Variants in THSD4 observed in about 807,000 individuals in gnomAD.
THSD4 encodes the protein thrombospondin type 1 domain containing 4, also known as thrombospondin type-1 domain-containing protein 4.
In THSD4, 69 loss-of-function variants were observed where a neutral mutation model predicts 119.0. The observed-to-expected ratio is 0.58, with a 90% CI of 0.48 to 0.71. The LOEUF (loss-of-function observed/expected upper bound fraction) is 0.71. THSD4 is among the 30% of genes least tolerant of loss of function. THSD4 has a pLI of 0.00. For missense variants in THSD4, 1,393 were observed against 1,391.1 expected (o/e 1.00, Z -0.02); for synonymous variants, 524 against 540.4 (o/e 0.97, Z 0.42).
chr15:71,311,636 C>T (rs1452450866), intron 6 of THSD4, among the ~76,000 whole-genome samples: 1 of 152,170 alleles, frequency 6.6e-6, no homozygotes, highest in Non-Finnish European at 1.5e-5. Context: ...TTACAGATGA[C>T]AAACCTAGCA....
chr15:71,732,315 A>G (rs2052996158), intron 10 of THSD4: 1 of 152,196 alleles, frequency 6.6e-6, no homozygotes, highest in East Asian at 1.9e-4. Flanking sequence ...CTATAAGACA[A>G]GAATAATGAG....
intron 7 of THSD4, among the ~76,000 whole-genome samples, chr15:71,523,994 G>A (rs1223136577): frequency 6.6e-6 from 1 of 152,174 alleles, no homozygotes; most frequent in South Asian, 2.1e-4. Context: ...TATATCATAA[G>A]TGTCTAAAGA....
intron 6 of THSD4, among the ~76,000 whole-genome samples, chr15:71,372,323 G>A (rs2046064338): frequency 6.6e-6 from 1 of 152,218 alleles, no homozygotes; most frequent in Admixed American, 6.5e-5. Flanking sequence ...TGCTGGCGAG[G>A]AGCTGCTTTC....
chr15:71,378,168 TTAGTG>T (rs571081581), intron 6 of THSD4, among the ~76,000 whole-genome samples: 1 of 152,208 alleles, frequency 6.6e-6, no homozygotes, highest in South Asian at 2.1e-4. Flanking sequence ...ATTCTAAAGA[TTAGTG>T]ATGTGTATAT....
intron 1 of THSD4, among the ~76,000 whole-genome samples, chr15:71,118,949 T>C (rs2040386543): frequency 6.6e-6 from 1 of 152,216 alleles, no homozygotes; most frequent in Non-Finnish European, 1.5e-5. Context: ...CATCTAGGCC[T>C]GTTTTGCTCT....
intron 14 of THSD4, among the ~76,000 whole-genome samples, chr15:71,751,977 T>C (rs981711367): frequency 2.6e-5 from 4 of 152,252 alleles, no homozygotes; most frequent in African/African-American, 9.6e-5. Context: ...TTATGAATGC[T>C]TTTTGAACTC....
At chr15:71,124,026 A>G (rs2040432165) in intron 1 of THSD4, among the ~76,000 whole-genome samples, 1 of 152,184 alleles carries the variant, frequency 6.6e-6, no homozygotes, top group Non-Finnish European at 1.5e-5. Flanking sequence ...CTCAGTTGCC[A>G]AGCTGGTGGT....
chr15:71,765,200 G>T lies in THSD4; in HGVS notation c.2769+1G>T. 6.2e-7 allele frequency: 1 copy of T among 1,613,552 alleles called. No homozygotes were observed. The highest frequency in any genetic ancestry group is 1.1e-5 in the South Asian group (1 of 91,002). ...ATGGTTTAGCACCGAATGGAGCATG[G>T]TAAGTCATGGTGCTCTTGATGGAGG... is the stretch of plus-strand genomic sequence containing the variant. On this transcript the variant is annotated splice_donor_variant, in intron 16 of 17. Coordinates refer to ENST00000261862, the MANE Select transcript of THSD4 (RefSeq NM_024817.3). LOFTEE classifies it high-confidence loss of function.
At chr15:71,718,874 C>T (rs2052661874) in intron 8 of THSD4, among the ~76,000 whole-genome samples, 1 of 152,214 alleles carries the variant, frequency 6.6e-6, no homozygotes, top group Admixed American at 6.5e-5. Context: ...TTACCAGCCT[C>T]TCTGGTCACG....
Position 71,739,556 on chromosome 15 carries a change from G to T in THSD4, c.1906+1549G>T, listed in dbSNP as rs566491631. Among the ~76,000 whole-genome samples the T allele has an allele frequency of 1.8e-3, 268 of 152,296 alleles. 1 individual carries two copies. The highest frequency in any genetic ancestry group is 2.9e-3 in the Non-Finnish European group (198 of 68,028). ...ACCCTTTATCTGACATTCCATACCAGATTGGAAATCAATGCTGCTTCTGTT... is the reference window on the plus strand; with the variant it reads ...ACCCTTTATCTGACATTCCATACCATATTGGAAATCAATGCTGCTTCTGTT... On this transcript the variant is annotated intron_variant, in intron 11 of 17. Transcript: ENST00000261862.
At chr15:71,767,438 G>T (rs961911621) in intron 16 of THSD4, 10 of 152,128 alleles carry the variant, frequency 6.6e-5, no homozygotes, top group Non-Finnish European at 1.2e-4. Context: ...CACACTGTTT[G>T]CAATTATCCT....
chr15:71,643,314 G>T (rs995915119), intron 7 of THSD4, among the ~76,000 whole-genome samples: 3 of 151,924 alleles, frequency 2.0e-5, no homozygotes, highest in Non-Finnish European at 1.5e-5. Context: ...TTTCTTTTTT[G>T]AGACAATTTT....
At chr15:71,575,829 A>C (rs933333322) in intron 7 of THSD4, among the ~76,000 whole-genome samples, 14 of 141,638 alleles carry the variant, frequency 9.9e-5, no homozygotes, top group South Asian at 4.8e-4. Context: ...TTGGCAAAGG[A>C]ATGAAAAAAG....
chr15:71,770,246 C>CAAA (rs776324670), intron 16 of THSD4, among the ~76,000 whole-genome samples: 1 of 46,150 alleles, frequency 2.2e-5, no homozygotes, highest in Non-Finnish European at 3.8e-5. Flanking sequence ...GAAACTCCAT[C>CAAA]AAAAAAAAAA....
chr15:71,215,006 G>T, intron 3 of THSD4, 29 bp from the exon 4 acceptor site: 1 of 1,242,580 alleles, frequency 8.0e-7, no homozygotes, highest in South Asian at 3.8e-5. Flanking sequence ...GCGGTGTTCT[G>T]GTCCCCTAAC....
intron 6 of THSD4, among the ~76,000 whole-genome samples, chr15:71,273,567 A>G (rs774649287): frequency 6.6e-6 from 1 of 152,206 alleles, no homozygotes; most frequent in Non-Finnish European, 1.5e-5. Flanking sequence ...AGAAATAAGT[A>G]TGAGGTGAGG....
intron 7 of THSD4, among the ~76,000 whole-genome samples, chr15:71,630,342 C>A (rs537810368): frequency 6.0e-4 from 91 of 152,206 alleles, no homozygotes; most frequent in African/African-American, 2.1e-3. Context: ...TTAATTTGAG[C>A]CATTCTAGGC....
Position 71,769,878 on chromosome 15 carries a change from A to G in THSD4, c.2770-1186A>G, listed in dbSNP as rs982850229. On this transcript the variant is annotated intron_variant, in intron 16 of 17. Coordinates refer to ENST00000261862, the MANE Select transcript of THSD4 (RefSeq NM_024817.3). ...CACTATTGTCCCATGACCCTGCCAA[A>G]TCCCCCTCTGTGAGAAACACCCAAG... Among the ~76,000 whole-genome samples, 82 of 52,866 alleles carry G rather than the reference A, an allele frequency of 1.6e-3. 8 individuals carry two copies. The highest frequency in any genetic ancestry group is 2.3e-3 in the Non-Finnish European group (66 of 28,380). The allele number at this position is 52,866 out of a possible 152,430, so 34.7% of individuals were successfully genotyped here.
At chr15:71,709,110 A>G (rs1000219145) in intron 8 of THSD4, among the ~76,000 whole-genome samples, 2 of 152,230 alleles carry the variant, frequency 1.3e-5, no homozygotes, top group African/African-American at 4.8e-5. Context: ...GGGCACGCCT[A>G]TTCTTTGCTC....
Sources: allele counts gnomAD v4.1 joint callset (sites outside exome capture counted in the v4.1 genomes callset), GRCh38; gene constraint gnomAD v4.1.1; transcripts MANE v1.5; gene names NCBI Gene and HGNC (gene_info 2026-07-23, HGNC 2026-07-21).